BANF2: variants seen among roughly 807,000 people sequenced by gnomAD.
BANF2 encodes BANF family member 2, also known as barrier-to-autointegration factor-like protein.
A neutral mutation model predicts 8.0 loss-of-function variants in BANF2; 4 were observed. That is an observed-to-expected ratio of 0.50 (90% CI 0.25 to 1.14). The LOEUF is 1.14. Among genes scored for constraint, BANF2 ranks in the 50% most tolerant of loss-of-function variants. The probability of loss-of-function intolerance (pLI) is 0.16; values close to 1 mark genes in which losing one functional copy is unlikely to be tolerated. For missense variants in BANF2, 96 were observed against 107.5 expected (o/e 0.89, Z 0.47); for synonymous variants, 50 against 40.6 (o/e 1.23, Z -0.88).
intron 1 of BANF2, among the ~76,000 whole-genome samples, chr20:17,700,926 C>T (rs6075236): frequency 0.1 from 15,211 of 152,252 alleles, 960 homozygotes; most frequent in Middle Eastern, 0.22. Context: ...GTCCACACAG[C>T]TGCAGCTGCG....
chr20:17,711,656 T>C (rs1011786565), intron 1 of BANF2, among the ~76,000 whole-genome samples: 3 of 152,166 alleles, frequency 2.0e-5, no homozygotes, highest in Non-Finnish European at 4.4e-5. Flanking sequence ...TAGGGTTTTG[T>C]GCTTCCACAT....
intron 1 of BANF2, among the ~76,000 whole-genome samples, chr20:17,705,021 CTG>C (rs1311842212): frequency 1.3e-5 from 2 of 151,790 alleles, no homozygotes; most frequent in Non-Finnish European, 2.9e-5. Flanking sequence ...GATGCAGTCA[CTG>C]TGGCCAGGAG....
Position 17,693,824 on chromosome 20 carries a change from G to A in BANF2, c.18+118G>A, listed in dbSNP as rs1489663154. ...GTCCAGTGGGAGGAGGTGCTTTCCC[G>A]AATTCTGAATTCTTTTCGGAACGTG... On this transcript the variant is annotated intron_variant, in intron 1 of 2. Coordinates refer to the BANF2 transcript ENST00000545418. The A allele has an allele frequency of 1.9e-5, 22 of 1,186,694 alleles. No homozygotes were observed. In the East Asian group the frequency reaches 2.6e-4, roughly 14 times the overall value. The allele number at this position is 1,186,694 out of a possible 1,614,324, so 73.5% of individuals were successfully genotyped here.
At chr20:17,712,646 T>C in intron 1 of BANF2, 1 of 670,328 alleles carries the variant, frequency 1.5e-6, no homozygotes, top group Non-Finnish European at 1.8e-6. Context: ...TTCCTCTTTC[T>C]AGAATCCATG....
At chr20:17,720,980 A>C (rs1336159678) in intron 1 of BANF2, among the ~76,000 whole-genome samples, 1 of 152,134 alleles carries the variant, frequency 6.6e-6, no homozygotes, top group Non-Finnish European at 1.5e-5. Flanking sequence ...ATTTTTTAAC[A>C]AAAAACCCCC....
chr20:17,707,837 C>T (rs1600215021), intron 1 of BANF2, among the ~76,000 whole-genome samples: 1 of 151,948 alleles, frequency 6.6e-6, no homozygotes, highest in African/African-American at 2.4e-5. Context: ...ACCTTGGCCA[C>T]CCAAAGTGCT....
At chr20:17,709,855 G>A (rs1308858673) in intron 1 of BANF2, among the ~76,000 whole-genome samples, 1 of 152,202 alleles carries the variant, frequency 6.6e-6, no homozygotes, top group Non-Finnish European at 1.5e-5. Flanking sequence ...ACGGTGCCTT[G>A]GTAAGCCTGG....
intron 3 of BANF2, among the ~76,000 whole-genome samples, chr20:17,730,426 G>A (rs1400074983): frequency 2.0e-5 from 3 of 152,060 alleles, no homozygotes; most frequent in Non-Finnish European, 4.4e-5. Flanking sequence ...CCTTACCGGC[G>A]AGGCTCTGCT....
chr20:17,696,686 C>A (rs560615188), upstream of BANF2, among the ~76,000 whole-genome samples: 2 of 152,196 alleles, frequency 1.3e-5, no homozygotes, highest in South Asian at 4.1e-4. Context: ...GTTATTGATG[C>A]AATGCTCTGG....
intron 1 of BANF2, among the ~76,000 whole-genome samples, chr20:17,711,744 C>T (rs1600217598): frequency 2.0e-5 from 3 of 152,190 alleles, no homozygotes; most frequent in Admixed American, 6.5e-5. Context: ...GCAGCTTCCA[C>T]GGCAGAGGTG....
At chr20:17,712,880 C>T (rs938730278) in intron 1 of BANF2, among the ~76,000 whole-genome samples, 3 of 152,144 alleles carry the variant, frequency 2.0e-5, no homozygotes, top group Non-Finnish European at 4.4e-5. Context: ...TGGAAGCAAC[C>T]CAGCTTCCCA....
At chr20:17,709,714 C>G (rs150784471) in intron 1 of BANF2, among the ~76,000 whole-genome samples, 2 of 152,160 alleles carry the variant, frequency 1.3e-5, no homozygotes, top group Non-Finnish European at 2.9e-5. Flanking sequence ...GAGGCCCACT[C>G]GGTTTGAGGC....
chr20:17,701,223 G>A (rs752352761), intron 1 of BANF2, among the ~76,000 whole-genome samples: 13 of 152,158 alleles, frequency 8.5e-5, no homozygotes, highest in Admixed American at 1.3e-4. Context: ...TAGAGGGGCC[G>A]GCGCTAGAGC....
chr20:17,723,568 T>G (rs1390491808), intron 2 of BANF2, among the ~76,000 whole-genome samples: 1 of 152,238 alleles, frequency 6.6e-6, no homozygotes, highest in Admixed American at 6.5e-5. Flanking sequence ...TTTGTGTTAC[T>G]TTCATCATAA....
chr20:17,732,394 T>A (rs1330189825), intron 3 of BANF2, among the ~76,000 whole-genome samples: 1 of 152,156 alleles, frequency 6.6e-6, no homozygotes, highest in African/African-American at 2.4e-5. Flanking sequence ...CGAGACAGAG[T>A]CTCACTCTGT....
intron 3 of BANF2, among the ~76,000 whole-genome samples, chr20:17,726,243 T>C (rs1189364536): frequency 3.3e-5 from 5 of 152,220 alleles, no homozygotes; most frequent in Admixed American, 3.3e-4. Flanking sequence ...TGGAGTGCAG[T>C]GATGCCATCT....
chr20:17,712,687 C>A, intron 1 of BANF2: 1 of 377,898 alleles, frequency 2.6e-6, no homozygotes, highest in Non-Finnish European at 3.6e-6. Flanking sequence ...CCCTTCCTGT[C>A]TTCTGGGGAA....
intron 3 of BANF2, among the ~76,000 whole-genome samples, chr20:17,728,151 T>C (rs538591566): frequency 2.6e-5 from 4 of 152,184 alleles, no homozygotes; most frequent in Admixed American, 2.6e-4. Flanking sequence ...CACCCTCCCC[T>C]GCTCCCCGTC....
At chr20:17,712,635 C>T (rs2037591162) in intron 1 of BANF2, 6 of 739,044 alleles carry the variant, frequency 8.1e-6, no homozygotes, top group Non-Finnish European at 9.9e-6. Flanking sequence ...GGTGAGCCTT[C>T]TTCCTCTTTC....
Sources: gnomAD v4.1 joint callset for allele counts (sites outside exome capture counted in the v4.1 genomes callset) on GRCh38, gnomAD v4.1.1 for gene constraint, MANE v1.5 for transcripts, NCBI Gene and HGNC (gene_info 2026-07-23, HGNC 2026-07-21) for gene names.